The following FRMD4A variants were observed in gnomAD, a reference collection of about 807,000 sequenced individuals.
The protein encoded by FRMD4A is FERM domain-containing protein 4A.
In FRMD4A, 29 loss-of-function variants were observed where a neutral mutation model predicts 129.1. The ratio of observed to expected loss-of-function variants is 0.22; its 90% CI spans 0.17 to 0.31. FRMD4A has a LOEUF of 0.31. FRMD4A is among the 10% of genes least tolerant of loss of function. FRMD4A has a pLI of 1.00. For synonymous variants in FRMD4A, 634 were observed against 571.6 expected (o/e 1.11, Z -1.56); for missense variants, 1,272 against 1,375.8 (o/e 0.92, Z 1.19).
At chr10:13,984,284 G>T (rs1325412638) in intron 2 of FRMD4A, among the ~76,000 whole-genome samples, 1 of 152,148 alleles carries the variant, frequency 6.6e-6, no homozygotes, top group Non-Finnish European at 1.5e-5. Flanking sequence ...CAGGTGAACA[G>T]CCCCTTCCTC....
chr10:14,039,554 G>T (rs28533099), intron 2 of FRMD4A, among the ~76,000 whole-genome samples: 18,603 of 151,254 alleles, frequency 0.12, 1,580 homozygotes, highest in African/African-American at 0.24. Context: ...TAAGCTAAAG[G>T]GAAAAATCAA....
rs35226296 is a variant in FRMD4A at position 14,317,715 on chromosome 10, GA to G, written c.45+12342del. Among the ~76,000 whole-genome samples the G allele has an allele frequency of 1.5e-4, 4 of 27,122 alleles. No individual in the cohort carries two copies. In the South Asian group the frequency reaches 2.6e-3, roughly 18 times the overall value. The allele number at this position is 27,122 out of a possible 152,430, so 17.8% of individuals were successfully genotyped here. On this transcript the variant is annotated intron_variant, in intron 2 of 24. Transcript: ENST00000357447. ...CAGGAAGGGAGGGAAGAGGAGGGGAGAGGGAAGGAGAAAGGAGAGGAGAAGA... is the reference window on the plus strand; with the variant it reads ...CAGGAAGGGAGGGAAGAGGAGGGGAGGGGAAGGAGAAAGGAGAGGAGAAGA...
intron 2 of FRMD4A, among the ~76,000 whole-genome samples, chr10:14,258,661 T>C (rs1844698259): frequency 1.3e-5 from 2 of 152,224 alleles, no homozygotes; most frequent in Admixed American, 1.3e-4. Context: ...AATCATTTTA[T>C]ACCTAGGTAT....
chr10:14,227,243 CTT>C (rs10674411), intron 2 of FRMD4A, among the ~76,000 whole-genome samples: 1,326 of 63,964 alleles, frequency 0.021, 21 homozygotes, highest in African/African-American at 0.08. Context: ...TCTTCTTCTT[CTT>C]TTTTTTTTTT....
intron 2 of FRMD4A, among the ~76,000 whole-genome samples, chr10:13,909,992 T>C (rs942421866): frequency 6.6e-6 from 1 of 152,242 alleles, no homozygotes; most frequent in Admixed American, 6.5e-5. Context: ...TTTTAATGTG[T>C]TCTTAATACA....
intron 2 of FRMD4A, among the ~76,000 whole-genome samples, chr10:13,970,070 A>T (rs1304274156): frequency 6.6e-6 from 1 of 151,854 alleles, no homozygotes; most frequent in East Asian, 1.9e-4. Context: ...CAGCTGGGGG[A>T]TTTTTTTTCC....
intron 16 of FRMD4A, among the ~76,000 whole-genome samples, chr10:13,673,584 G>A (rs576864857): frequency 1.1e-4 from 16 of 150,102 alleles, no homozygotes; most frequent in African/African-American, 2.5e-4. Context: ...ATGCGTGCGC[G>A]CGCGCACACA....
chr10:14,286,515 A>G (rs1409278061), intron 2 of FRMD4A, among the ~76,000 whole-genome samples: 1 of 152,150 alleles, frequency 6.6e-6, no homozygotes, highest in Non-Finnish European at 1.5e-5. Flanking sequence ...CAAAATTTTT[A>G]TGATAGAAAA....
chr10:13,654,700 A>C, intron 22 of FRMD4A, 188 bp from the exon 23 acceptor site: 1 of 589,918 alleles, frequency 1.7e-6, no homozygotes. Flanking sequence ...CCATCTCTAC[A>C]TGCCCCCCCA....
intron 2 of FRMD4A, among the ~76,000 whole-genome samples, chr10:14,267,830 A>C (rs1461909079): frequency 6.6e-6 from 1 of 152,194 alleles, no homozygotes; most frequent in Non-Finnish European, 1.5e-5. Flanking sequence ...CACAAGACCT[A>C]ATCTAGATAC....
intron 2 of FRMD4A, among the ~76,000 whole-genome samples, chr10:13,996,939 A>T (rs1324721008): frequency 1.3e-5 from 2 of 152,180 alleles, no homozygotes; most frequent in African/African-American, 4.8e-5. Context: ...CAGCTGGGTT[A>T]TGAAGCCCTG....
At chr10:13,719,338 T>C (rs1211456692) in intron 12 of FRMD4A, among the ~76,000 whole-genome samples, 1 of 152,122 alleles carries the variant, frequency 6.6e-6, no homozygotes, top group Non-Finnish European at 1.5e-5. Context: ...TGGGGAAGTC[T>C]ACGATTCCAG....
At chr10:13,650,621 G>T (rs759047430) in intron 24 of FRMD4A, among the ~76,000 whole-genome samples, 1 of 152,120 alleles carries the variant, frequency 6.6e-6, no homozygotes, top group Non-Finnish European at 1.5e-5. Flanking sequence ...CATCACCCTG[G>T]CACTGGGGCT....
chr10:14,220,088 G>A (rs1207261412), intron 2 of FRMD4A, among the ~76,000 whole-genome samples: 2 of 152,132 alleles, frequency 1.3e-5, no homozygotes, highest in Admixed American at 1.3e-4. Flanking sequence ...CCCGGGTCTG[G>A]GTTGTCCTCT....
At chr10:14,189,305 TG>T (rs1386406850) in intron 2 of FRMD4A, among the ~76,000 whole-genome samples, 1 of 152,014 alleles carries the variant, frequency 6.6e-6, no homozygotes, top group Middle Eastern at 3.2e-3. Context: ...CCGGCGCGGT[TG>T]CTCACGCCTG....
chr10:13,675,189 TCTAA>T (rs143580826), intron 15 of FRMD4A, 145 bp from the exon 16 acceptor site: 35,441 of 686,510 alleles, frequency 0.052, 1,036 homozygotes, highest in African/African-American at 0.069. Flanking sequence ...TGCTCAGCAC[TCTAA>T]CTGTGAGAAG....
chr10:13,809,383 A>C (rs1320935910), intron 4 of FRMD4A, among the ~76,000 whole-genome samples: 2 of 152,226 alleles, frequency 1.3e-5, no homozygotes, highest in Non-Finnish European at 2.9e-5. Flanking sequence ...ATTGAAACTT[A>C]GGGTTTCCTT....
intron 2 of FRMD4A, among the ~76,000 whole-genome samples, chr10:14,321,688 A>G (rs1843057519): frequency 6.6e-6 from 1 of 152,226 alleles, no homozygotes; most frequent in Non-Finnish European, 1.5e-5. Context: ...AACACTCTAG[A>G]AAAAGTACAG....
chr10:14,073,289 G>C (rs555162124), intron 2 of FRMD4A, among the ~76,000 whole-genome samples: 1 of 152,142 alleles, frequency 6.6e-6, no homozygotes, highest in Non-Finnish European at 1.5e-5. Flanking sequence ...CTTGTTAATG[G>C]AGCTGAAGGG....
Sources: gnomAD v4.1 joint callset for allele counts (sites outside exome capture counted in the v4.1 genomes callset) on GRCh38, gnomAD v4.1.1 for gene constraint, MANE v1.5 for transcripts, NCBI Gene and HGNC (gene_info 2026-07-23, HGNC 2026-07-21) for gene names.